Variants in CCDC7 observed in about 807,000 individuals in gnomAD.
CCDC7 encodes the protein coiled-coil domain containing 7.
In CCDC7, 183 loss-of-function variants were observed where a neutral mutation model predicts 196.9. That is an observed-to-expected ratio of 0.93 (90% CI 0.82 to 1.05). The LOEUF (loss-of-function observed/expected upper bound fraction) is 1.05, where lower values mean the gene tolerates loss of function less well. CCDC7 is among the 50% of genes least tolerant of loss of function. The pLI, the probability that CCDC7 is intolerant of heterozygous loss-of-function variation, is 0.00. For synonymous variants in CCDC7, 525 were observed against 484.6 expected (o/e 1.08, Z -1.10); for missense variants, 1,540 against 1,482.2 (o/e 1.04, Z -0.64).
chr10:32,758,943 T>C (rs2076950860), intron 28 of CCDC7, among the ~76,000 whole-genome samples: 1 of 152,132 alleles, frequency 6.6e-6, no homozygotes, highest in South Asian at 2.1e-4. Context: ...AACATTCCTA[T>C]ACACCAATAG....
At chr10:32,583,537 G>C (rs1435405668) in intron 17 of CCDC7, among the ~76,000 whole-genome samples, 1 of 151,848 alleles carries the variant, frequency 6.6e-6, no homozygotes, top group Non-Finnish European at 1.5e-5. Context: ...TTAAAAAGTT[G>C]TGGGTTACAT....
At chr10:32,507,055 C>T (rs186600921) in intron 9 of CCDC7, among the ~76,000 whole-genome samples, 15 of 152,190 alleles carry the variant, frequency 9.9e-5, no homozygotes, top group East Asian at 5.8e-4. Flanking sequence ...TGCAGTGGCG[C>T]GATCTCAGGT....
intron 11 of CCDC7, among the ~76,000 whole-genome samples, chr10:32,524,065 T>G (rs890007881): frequency 8.3e-6 from 1 of 119,866 alleles, no homozygotes; most frequent in African/African-American, 2.9e-5. Context: ...TCTTTCTTCC[T>G]TCTGTCTTTT....
chr10:32,443,983 T>C (rs988648951), upstream of CCDC7, among the ~76,000 whole-genome samples: 2 of 152,236 alleles, frequency 1.3e-5, no homozygotes, highest in Non-Finnish European at 2.9e-5. Context: ...TTAATTTCTC[T>C]CAGTAATGTT....
chr10:32,814,000 C>T (rs187316560), intron 30 of CCDC7, among the ~76,000 whole-genome samples: 4 of 152,102 alleles, frequency 2.6e-5, no homozygotes, highest in South Asian at 2.1e-4. Context: ...GCTGTGTCAC[C>T]GGGCTGGAGT....
intron 13 of CCDC7, among the ~76,000 whole-genome samples, chr10:32,552,828 G>A (rs1178585016): frequency 2.0e-5 from 3 of 152,066 alleles, no homozygotes; most frequent in South Asian, 2.1e-4. Flanking sequence ...GTTACTTGGC[G>A]CTTCTGTCTC....
chr10:32,493,070 C>CT (rs1238885364), intron 9 of CCDC7, among the ~76,000 whole-genome samples: 8 of 150,922 alleles, frequency 5.3e-5, no homozygotes, highest in East Asian at 1.9e-4. Context: ...ACATACATAT[C>CT]TTTTTTTTTC....
At chr10:32,567,072 A>C (rs1345689432) in intron 14 of CCDC7, among the ~76,000 whole-genome samples, 2 of 145,940 alleles carry the variant, frequency 1.4e-5, no homozygotes, top group Non-Finnish European at 3.0e-5. Flanking sequence ...GCTAATATAT[A>C]ATATATATTA....
chr10:32,851,898 C>T, exon 40 of CCDC7: 1 of 1,608,598 alleles, frequency 6.2e-7, no homozygotes, highest in Non-Finnish European at 8.5e-7. Context: ...TTTCTAAAGA[C>T]ATCCACCTTC....
At chr10:32,543,269 C>T (rs753390060) in intron 11 of CCDC7, 31 bp from the exon 13 acceptor site, 7 of 1,358,476 alleles carry the variant, frequency 5.2e-6, no homozygotes, top group East Asian at 2.7e-5. Flanking sequence ...GTTTTTAACC[C>T]TTTATTTCTG....
chr10:32,721,007 A>ATATC (rs2082334635), intron 25 of CCDC7, among the ~76,000 whole-genome samples: 1 of 152,100 alleles, frequency 6.6e-6, no homozygotes, highest in Non-Finnish European at 1.5e-5. Context: ...AATGGAGGAT[A>ATATC]GCTTGAGCCC....
intron 32 of CCDC7, among the ~76,000 whole-genome samples, chr10:32,825,000 C>T (rs2090903113): frequency 6.6e-6 from 1 of 152,144 alleles, no homozygotes; most frequent in East Asian, 1.9e-4. Context: ...CCTCTCATAT[C>T]GTTATGTTAT....
intron 18 of CCDC7, among the ~76,000 whole-genome samples, chr10:32,595,536 A>G (rs1262170203): frequency 2.0e-5 from 3 of 151,982 alleles, no homozygotes; most frequent in East Asian, 1.9e-4. Flanking sequence ...TTTTGTCTCT[A>G]TCTCCTTCAG....
intron 28 of CCDC7, among the ~76,000 whole-genome samples, chr10:32,758,577 T>C (rs1482001673): frequency 6.6e-6 from 1 of 152,144 alleles, no homozygotes; most frequent in African/African-American, 2.4e-5. Context: ...CTCAATAAAC[T>C]AGGTATTGAT....
chr10:32,672,596 T>C (rs1398927980), intron 21 of CCDC7, among the ~76,000 whole-genome samples: 1 of 152,178 alleles, frequency 6.6e-6, no homozygotes, highest in Non-Finnish European at 1.5e-5. Flanking sequence ...TTCTGGGGTT[T>C]CCTGGTGGGG....
downstream of CCDC7, among the ~76,000 whole-genome samples, chr10:32,879,102 G>C (rs186704533): frequency 9.2e-5 from 14 of 152,018 alleles, no homozygotes; most frequent in African/African-American, 3.4e-4. Context: ...GGATGTACAG[G>C]TTTGTTACAT....
chr10:32,639,598 C>T (rs569938409), intron 20 of CCDC7, among the ~76,000 whole-genome samples: 2 of 149,266 alleles, frequency 1.3e-5, no homozygotes, highest in South Asian at 2.1e-4. Context: ...GCACTGTGGT[C>T]TGAGAGACAG....
chr10:32,620,469 A>AT (rs146770905), intron 18 of CCDC7, among the ~76,000 whole-genome samples: 8,002 of 144,258 alleles, frequency 0.055, 692 homozygotes, highest in African/African-American at 0.19. Context: ...CCTTTATCAC[A>AT]TTTTTTTTTT....
chr10:32,630,538 TAA>T (rs913906846), intron 18 of CCDC7, among the ~76,000 whole-genome samples: 1 of 151,910 alleles, frequency 6.6e-6, no homozygotes, highest in African/African-American at 2.4e-5. Context: ...ATATTAGAGC[TAA>T]AGAGACAGAC....
Sources: allele counts gnomAD v4.1 joint callset (sites outside exome capture counted in the v4.1 genomes callset), GRCh38; gene constraint gnomAD v4.1.1; transcripts MANE v1.5; gene names NCBI Gene and HGNC (gene_info 2026-07-23, HGNC 2026-07-21).